Variants in ZSCAN25 observed in about 807,000 individuals in gnomAD.
ZSCAN25 encodes zinc finger and SCAN domain containing 25, also known as zinc finger and SCAN domain-containing protein 25.
In ZSCAN25, 27 loss-of-function variants were observed where a neutral mutation model predicts 38.7. The ratio of observed to expected loss-of-function variants is 0.70; its 90% CI spans 0.51 to 0.96. ZSCAN25 has a LOEUF of 0.96. Among genes scored for constraint, ZSCAN25 ranks in the 40% least tolerant of loss-of-function variants. The pLI is 0.00. For missense variants in ZSCAN25, 637 were observed against 705.9 expected (o/e 0.90, Z 1.11); for synonymous variants, 273 against 277.7 (o/e 0.98, Z 0.17).
chr7:99,648,884 C>G, the ZSCAN25 span, among the ~76,000 whole-genome samples: 2 of 152,164 alleles, frequency 1.3e-5, no homozygotes, highest in African/African-American at 4.8e-5. Flanking sequence ...TTGAACCCAT[C>G]AAGTGCAATG....
chr7:99,663,980 G>A, the ZSCAN25 span: 14 of 1,583,942 alleles, frequency 8.8e-6, no homozygotes, highest in East Asian at 9.0e-5. Context: ...TTTGTTTGTC[G>A]TTGAGGCGAC....
chr7:99,676,364 A>C, the ZSCAN25 span: 3 of 1,533,624 alleles, frequency 2.0e-6, no homozygotes, highest in Non-Finnish European at 2.6e-6. Context: ...GCATTCACTC[A>C]TCAGGTCCTT....
the ZSCAN25 span, among the ~76,000 whole-genome samples, chr7:99,718,280 G>T: frequency 3.9e-5 from 6 of 152,250 alleles, no homozygotes; most frequent in Admixed American, 3.9e-4. Context: ...AAAAAAGGTA[G>T]GTAATACTTT....
At chr7:99,664,359 G>A in the ZSCAN25 span, among the ~76,000 whole-genome samples, 1 of 152,268 alleles carries the variant, frequency 6.6e-6, no homozygotes, top group Admixed American at 6.5e-5. Flanking sequence ...TAAATTCCCT[G>A]ACCTCTTAGC....
At chr7:99,648,111 C>A in the ZSCAN25 span, 1 of 1,225,046 alleles carries the variant, frequency 8.2e-7, no homozygotes, top group South Asian at 2.9e-5. Flanking sequence ...TGGTCACCTC[C>A]TTTATACTAC....
the ZSCAN25 span, among the ~76,000 whole-genome samples, chr7:99,646,635 T>A: frequency 6.6e-6 from 1 of 152,212 alleles, no homozygotes. Context: ...CTTGAACATT[T>A]TTAGTCCTAG....
chr7:99,652,865 A>T, the ZSCAN25 span: 1 of 961,580 alleles, frequency 1.0e-6, no homozygotes, highest in Non-Finnish European at 1.6e-6. Context: ...AAGTATTAGA[A>T]GCTCCAGAGA....
chr7:99,708,271 A>G, the ZSCAN25 span, among the ~76,000 whole-genome samples: 1 of 152,146 alleles, frequency 6.6e-6, no homozygotes, highest in African/African-American at 2.4e-5. Flanking sequence ...ATGTGTTCAC[A>G]CTACAAAAGG....
At chr7:99,633,017 G>A (rs372171628), downstream of ZSCAN25, among the ~76,000 whole-genome samples, 2 of 121,948 alleles carry the variant, frequency 1.6e-5, no homozygotes, top group East Asian at 7.1e-4. Context: ...CTGGAGTCTC[G>A]CTCTGTTGCC....
At chr7:99,636,793 C>G (rs1424662105), downstream of ZSCAN25, among the ~76,000 whole-genome samples, 2 of 152,196 alleles carry the variant, frequency 1.3e-5, no homozygotes, top group Non-Finnish European at 2.9e-5. Context: ...GCCAGCTAAC[C>G]AAGTAATCTT....
the ZSCAN25 span, among the ~76,000 whole-genome samples, chr7:99,721,252 G>A: frequency 2.0e-5 from 3 of 152,104 alleles, no homozygotes; most frequent in African/African-American, 7.2e-5. Flanking sequence ...AAAAGTCTTG[G>A]CTTAAAGTTA....
At chr7:99,638,674 T>G in the ZSCAN25 span, 3 of 1,546,352 alleles carry the variant, frequency 1.9e-6, no homozygotes, top group South Asian at 3.3e-5. Context: ...CTTCAACATT[T>G]ACAGGATTGT....
At chr7:99,724,707 G>A in the ZSCAN25 span, among the ~76,000 whole-genome samples, 1 of 151,928 alleles carries the variant, frequency 6.6e-6, no homozygotes, top group African/African-American at 2.4e-5. Flanking sequence ...TCCTCCACCT[G>A]CCCAACAATT....
At chr7:99,633,437 A>G (rs1400313856), downstream of ZSCAN25, among the ~76,000 whole-genome samples, 1 of 152,250 alleles carries the variant, frequency 6.6e-6, no homozygotes, top group Non-Finnish European at 1.5e-5. Flanking sequence ...GATATAGTTC[A>G]TACAGGGAAG....
chr7:99,726,484 C>T, the ZSCAN25 span, among the ~76,000 whole-genome samples: 1 of 152,150 alleles, frequency 6.6e-6, no homozygotes, highest in East Asian at 1.9e-4. Context: ...TCAATATCTC[C>T]CTCCACAACT....
At chr7:99,693,422 C>G in the ZSCAN25 span, among the ~76,000 whole-genome samples, 1 of 152,200 alleles carries the variant, frequency 6.6e-6, no homozygotes, top group South Asian at 2.1e-4. Context: ...AACCACTGCT[C>G]TCTTCAGAGC....
At chr7:99,705,211 G>A in the ZSCAN25 span, 2 of 332,142 alleles carry the variant, frequency 6.0e-6, no homozygotes, top group Non-Finnish European at 1.1e-5. Context: ...CAGAGCTCAG[G>A]AGGAGTTAAT....
In ZSCAN25 at chr7:99,630,872, G is replaced by A; in HGVS notation, c.*852G>A. The stretch of plus-strand genomic sequence containing the variant: ...ATTTTAAAAAACAGTTCTCTAGAAA[G>A]AACTGTTATAATTAAAATGAGTCTG... On this transcript the variant is annotated 3_prime_UTR_variant, in exon 8 of 8. Transcript: ENST00000394152. 1 of 984,214 alleles carries A rather than the reference G, an allele frequency of 1.0e-6. No individual in the cohort carries two copies. The highest frequency in any genetic ancestry group is 1.2e-6 in the Non-Finnish European group (1 of 828,864). The allele number at this position is 984,214 out of a possible 1,614,324, so 61.0% of individuals were successfully genotyped here. A position where few individuals can be genotyped will look rare whatever the true frequency, so the allele number is the denominator to read the frequency against.
Position 99,629,372 on chromosome 7 carries a change from C to G in ZSCAN25, c.987C>G (p.His329Gln). Residue 329 changes from histidine to glutamine, a missense_variant, in exon 8 of 8, where the codon CAC becomes CAG. His to Gln is a conservative substitution (Grantham distance 24). Transcript: ENST00000394152. This position sits in a 1 kb window ranked among gnomAD's most constrained non-coding sequence, Gnocchi z 5.6. ...CGCCTGGGCTTCCTCCTCCCCAGCA[C>G]GGTGCCATCCCCCTGCCTGACGAAG... is the stretch of plus-strand genomic sequence containing the variant. ...GSAPGLPPPQHGAIPLPDEVK... is the reference protein window; with the variant it reads ...GSAPGLPPPQQGAIPLPDEVK... 1 of 1,614,164 alleles carries G rather than the reference C, an allele frequency of 6.2e-7. No individual in the cohort carries two copies.
Sources: gnomAD v4.1 joint callset for allele counts (sites outside exome capture counted in the v4.1 genomes callset) on GRCh38, gnomAD v4.1.1 for gene constraint, Gnocchi (gnomAD v3.1) non-coding constraint, MANE v1.5 for transcripts, NCBI Gene and HGNC (gene_info 2026-07-23, HGNC 2026-07-21) for gene names.